BCAS3: variants seen among roughly 807,000 people sequenced by gnomAD.
The protein encoded by BCAS3 is BCAS4/BCAS3 fusion.
BCAS3 carries 53 observed loss-of-function variants against 116.1 expected under a neutral mutation model. The ratio of observed to expected loss-of-function variants is 0.46; its 90% CI spans 0.37 to 0.57. The LOEUF is 0.57. BCAS3 is among the 20% of genes least tolerant of loss of function. The probability of loss-of-function intolerance (pLI) is 0.00; values close to 1 mark genes in which losing one functional copy is unlikely to be tolerated. For missense variants in BCAS3, 917 were observed against 1,165.4 expected, an observed-to-expected ratio of 0.79 and a Z score of 3.10; for synonymous variants, 391 against 408.2, an observed-to-expected ratio of 0.96 and a Z score of 0.51.
At chr17:60,702,931 C>T (rs2036602652) in intron 4 of BCAS3, among the ~76,000 whole-genome samples, 1 of 152,096 alleles carries the variant, frequency 6.6e-6, no homozygotes, top group African/African-American at 2.4e-5. Context: ...GCAGTGACAC[C>T]AGCAGGCACC....
chr17:61,109,984 C>T (rs1199801775), intron 22 of BCAS3, among the ~76,000 whole-genome samples: 2 of 152,144 alleles, frequency 1.3e-5, no homozygotes, highest in Non-Finnish European at 2.9e-5. Context: ...GTTGCATTTG[C>T]TCTTGGGTTC....
intron 13 of BCAS3, among the ~76,000 whole-genome samples, chr17:60,927,288 G>A (rs1223338613): frequency 6.8e-6 from 1 of 147,496 alleles, no homozygotes; most frequent in Non-Finnish European, 1.5e-5. Flanking sequence ...ACAGGGTCTC[G>A]CTCTTTTGCC....
chr17:60,828,003 G>T (rs1459954153), intron 7 of BCAS3, among the ~76,000 whole-genome samples: 2 of 152,078 alleles, frequency 1.3e-5, no homozygotes, highest in East Asian at 1.9e-4. Flanking sequence ...CAGTTTCTCT[G>T]TGTAATCATT....
chr17:61,254,130 C>A (rs1045430031), intron 22 of BCAS3, among the ~76,000 whole-genome samples: 1 of 152,162 alleles, frequency 6.6e-6, no homozygotes, highest in Non-Finnish European at 1.5e-5. Context: ...GAGCCGGCCT[C>A]CTTCCTTAGG....
At chr17:61,175,805 C>T (rs1026154594) in intron 22 of BCAS3, among the ~76,000 whole-genome samples, 3 of 152,082 alleles carry the variant, frequency 2.0e-5, no homozygotes, top group Non-Finnish European at 4.4e-5. Flanking sequence ...AAGCTCAGAA[C>T]TCAAGAATAA....
chr17:61,383,552 C>T (rs1328174695), intron 23 of BCAS3: 3 of 152,420 alleles, frequency 2.0e-5, no homozygotes, highest in Non-Finnish European at 4.4e-5. Context: ...TTAATCCTCT[C>T]AGGTGGGTAA....
Position 61,084,389 on chromosome 17 carries a change from C to A in BCAS3, c.2328-78C>A. 4.2e-6 allele frequency: 5 copies of A among 1,181,902 alleles called. No individual in the cohort carries two copies. The Admixed American group carries it at 6.8e-5, about 16-fold the overall frequency. 73.2% of individuals were successfully genotyped at this position (1,181,902 alleles called of 1,614,324 possible). A position where few individuals can be genotyped will look rare whatever the true frequency, so the allele number is the denominator to read the frequency against. ...TAATGGATTGTGCTACTCCAGCATT[C>A]CTGATTTAAGGTCATTTGTAGCAAG... On this transcript the variant is annotated intron_variant, in intron 21 of 23. Transcript: ENST00000407086. This position sits in a 1 kb window ranked among gnomAD's most constrained non-coding sequence, Gnocchi z 5.5.
At chr17:61,360,099 T>C (rs2058375275) in intron 22 of BCAS3, among the ~76,000 whole-genome samples, 1 of 151,412 alleles carries the variant, frequency 6.6e-6, no homozygotes. Context: ...CTCCATCTCC[T>C]GGGTTCAAGA....
At chr17:60,757,409 T>C (rs969305163) in intron 6 of BCAS3, among the ~76,000 whole-genome samples, 1 of 150,680 alleles carries the variant, frequency 6.6e-6, no homozygotes, top group Admixed American at 6.6e-5. Context: ...TGTGTGTGTG[T>C]GTGTGTGTGT....
At position 61,258,380 on chromosome 17, in the gene BCAS3, A is replaced by G. The variant is rs192483205; in HGVS notation, c.2426-109947A>G. Among the ~76,000 whole-genome samples the G allele has an allele frequency of 2.5e-4, 38 of 152,346 alleles. No homozygotes were observed. Among genetic ancestry groups the G allele is most frequent in the Admixed American group, 9.1e-4 (14 of 15,304 alleles). On this transcript the variant is annotated intron_variant, in intron 22 of 23. Coordinates refer to ENST00000407086, the MANE Select transcript of BCAS3 (RefSeq NM_017679.5). The surrounding 1 kb of genome is among the most constrained non-coding windows in gnomAD (Gnocchi z 4.7). ...TGTAGCGTAGTTCCTAGGAGGCTGC[A>G]TGGTATGATCAAAAGAACACAGGTT...
chr17:61,170,494 G>A (rs1005924622), intron 22 of BCAS3, among the ~76,000 whole-genome samples: 5 of 151,650 alleles, frequency 3.3e-5, no homozygotes, highest in African/African-American at 7.3e-5. Flanking sequence ...AGGTTTCACC[G>A]TGTTAGCCAG....
intron 22 of BCAS3, among the ~76,000 whole-genome samples, chr17:61,330,412 C>T (rs1190108080): frequency 6.6e-6 from 1 of 152,206 alleles, no homozygotes; most frequent in Non-Finnish European, 1.5e-5. Context: ...GCATGAGCCA[C>T]CATGCCCAGC....
At chr17:60,790,838 G>T (rs547013396) in intron 6 of BCAS3, among the ~76,000 whole-genome samples, 2 of 145,954 alleles carry the variant, frequency 1.4e-5, no homozygotes, top group South Asian at 4.5e-4. Context: ...CTGCCTCCCC[G>T]GTTTAAGCAA....
chr17:60,728,755 A>T (rs1478215728), intron 5 of BCAS3, among the ~76,000 whole-genome samples: 1 of 152,204 alleles, frequency 6.6e-6, no homozygotes. Flanking sequence ...CTGGGATTAC[A>T]GGCATGAGCC....
rs201419427 is a variant in BCAS3, at chr17:60,966,891, A to G, written c.1221+19539A>G. Among the ~76,000 whole-genome samples the G allele has an allele frequency of 3.9e-5, 6 of 152,072 alleles. No homozygotes were observed. The East Asian group carries it at 1.2e-3, about 29-fold the overall frequency. On this transcript the variant is annotated intron_variant, in intron 14 of 23. Coordinates refer to ENST00000407086, the MANE Select transcript of BCAS3 (RefSeq NM_017679.5). ...GCTGGTCTTGATCTCCTGACCTCAAATGATCTGCCCTCTAAAAGTGCTGGG... is the reference window on the plus strand; with the variant it reads ...GCTGGTCTTGATCTCCTGACCTCAAGTGATCTGCCCTCTAAAAGTGCTGGG...
intron 5 of BCAS3, among the ~76,000 whole-genome samples, chr17:60,739,150 A>C (rs1432914684): frequency 1.3e-5 from 2 of 152,184 alleles, no homozygotes; most frequent in African/African-American, 4.8e-5. Context: ...TAATATTAAC[A>C]AACTATTCAT....
chr17:60,709,892 G>A (rs1053311760), intron 5 of BCAS3, among the ~76,000 whole-genome samples: 1 of 152,198 alleles, frequency 6.6e-6, no homozygotes, highest in African/African-American at 2.4e-5. Context: ...TGCATTTGTT[G>A]AGATGTAGTA....
rs1183254628 is a variant in BCAS3, at chr17:61,316,725, C to A, written c.2426-51602C>A. On this transcript the variant is annotated intron_variant, in intron 22 of 23. Transcript: ENST00000407086. This position sits in a 1 kb window ranked among gnomAD's most constrained non-coding sequence, Gnocchi z 5.8. Reference sequence around the variant, plus strand: ...TCTTTGGAAAAGAAATCCATGCCCTCGGAATGATGTGGCTCCTTCCTTTTT... The same window carrying A: ...TCTTTGGAAAAGAAATCCATGCCCTAGGAATGATGTGGCTCCTTCCTTTTT... Among the ~76,000 whole-genome samples the A allele has an allele frequency of 6.6e-6, 1 of 152,200 alleles. No individual in the cohort carries two copies. Among genetic ancestry groups the A allele is most frequent in the Non-Finnish European group, 1.5e-5 (1 of 68,050 alleles).
rs1400209289 is a variant in BCAS3, at chr17:61,235,202, G to A, written c.2426-133125G>A. Reference sequence around the variant, plus strand: ...ACGCCTGGCTGTCTGCCCCCCGCCTGTCCTAAGCACTTTAAATGTGTCAAC... The same window carrying A: ...ACGCCTGGCTGTCTGCCCCCCGCCTATCCTAAGCACTTTAAATGTGTCAAC... On this transcript the variant is annotated intron_variant, in intron 22 of 23. Transcript: ENST00000407086. The surrounding 1 kb of genome is among the most constrained non-coding windows in gnomAD (Gnocchi z 5.0). Among the ~76,000 whole-genome samples, 1 of 152,116 alleles carries A rather than the reference G, an allele frequency of 6.6e-6. No homozygotes were observed. Among genetic ancestry groups the A allele is most frequent in the Admixed American group, 6.5e-5 (1 of 15,268 alleles).
Sources: allele counts gnomAD v4.1 joint callset (sites outside exome capture counted in the v4.1 genomes callset), GRCh38; gene constraint gnomAD v4.1.1; non-coding constraint Gnocchi (gnomAD v3.1); transcripts MANE v1.5; gene names NCBI Gene and HGNC (gene_info 2026-07-23, HGNC 2026-07-21).